GNAS: variants seen among roughly 807,000 people sequenced by gnomAD.
GNAS encodes protein ALEX.
A neutral mutation model predicts 54.5 loss-of-function variants in GNAS; 8 were observed. That is an observed-to-expected ratio of 0.15 (90% CI 0.09 to 0.26). The LOEUF is 0.26. Among genes scored for constraint, GNAS ranks in the 10% least tolerant of loss-of-function variants. GNAS has a pLI of 1.00. For synonymous variants in GNAS, 204 were observed against 191.4 expected, an observed-to-expected ratio of 1.07 and a Z score of -0.54; for missense variants, 170 against 529.8, an observed-to-expected ratio of 0.32 and a Z score of 6.67.
rs2146298908 is a variant in GNAS, at chr20:58,910,323, T to C, written c.971-11T>C. On this transcript the variant is annotated splice_polypyrimidine_tract_variant and intron_variant, in intron 11 of 12. Coordinates refer to ENST00000371085, the MANE Select transcript of GNAS (RefSeq NM_000516.7). The surrounding 1 kb of genome is among the most constrained non-coding windows in gnomAD (Gnocchi z 5.8). Reference sequence around the variant, plus strand: ...TTAAATTACATTAATATGTATTCCCTTTTTATATAGCTACTCCCGAGCCCG... The same window carrying C: ...TTAAATTACATTAATATGTATTCCCCTTTTATATAGCTACTCCCGAGCCCG... 2 of 1,594,298 alleles carry C rather than the reference T, an allele frequency of 1.3e-6. No individual in the cohort carries two copies. Among genetic ancestry groups the C allele is most frequent in the South Asian group, 1.1e-5 (1 of 90,646 alleles).
chr20:58,840,199 G>T, upstream of GNAS: 1 of 1,611,154 alleles, frequency 6.2e-7, no homozygotes. This position sits in a 1 kb window ranked among gnomAD's most constrained non-coding sequence, Gnocchi z 6.0. Flanking sequence ...CAGCCACCGC[G>T]CTCCTCTGGC....
At chr20:58,889,137 C>A, upstream of GNAS, 1 of 1,200,272 alleles carries the variant, frequency 8.3e-7, no homozygotes, top group Non-Finnish European at 1.1e-6. Context: ...GCTGGGGCGT[C>A]ATCGGGGCCG....
chr20:58,840,337 T>C (rs1181151945), upstream of GNAS: 2 of 1,612,950 alleles, frequency 1.2e-6, no homozygotes, highest in Admixed American at 1.7e-5. This position sits in a 1 kb window ranked among gnomAD's most constrained non-coding sequence, Gnocchi z 6.0. Context: ...AGGTATTCCC[T>C]GAGTCCCCCG....
chr20:58,899,046 T>C, intron 3 of GNAS, 61 bp downstream of exon 3: 1 of 1,265,546 alleles, frequency 7.9e-7, no homozygotes, highest in South Asian at 1.2e-5. Flanking sequence ...AAGATCATAC[T>C]GGGAAACTGA....
At position 58,853,886 on chromosome 20, in the gene GNAS, T is replaced by A. The variant is rs773155036; in HGVS notation, c.43+13000T>A. 6.3e-7 allele frequency: 1 copy of A among 1,599,104 alleles called. No homozygotes were observed. Among genetic ancestry groups the A allele is most frequent in the Non-Finnish European group, 8.5e-7 (1 of 1,173,338 alleles). ...CCGAGGAGCCCCAAGCCCTCAGGCC[T>A]GCAAAGGCTGGCTCCAGAGGAGGCT... On this transcript the variant is annotated intron_variant, in intron 1 of 12. Coordinates refer to the GNAS transcript ENST00000306090. The surrounding 1 kb of genome is among the most constrained non-coding windows in gnomAD (Gnocchi z 4.4).
chr20:58,854,564 A>G lies in GNAS; in HGVS notation c.43+13678A>G, dbSNP rs746162389. 6.8e-5 allele frequency: 104 copies of G among 1,539,886 alleles called. 1 individual carries two copies. In the South Asian group the frequency reaches 8.4e-4, roughly 12 times the overall value. On this transcript the variant is annotated intron_variant, in intron 1 of 12. Coordinates refer to the GNAS transcript ENST00000306090. ...TCGCAGCCGATCCCGACTCCGGGGCAGCCCCTGCCGCCCCAGCCGATCCCG... is the reference window on the plus strand; with the variant it reads ...TCGCAGCCGATCCCGACTCCGGGGCGGCCCCTGCCGCCCCAGCCGATCCCG...
At position 58,854,984 on chromosome 20, in the gene GNAS, C is replaced by T. The variant is rs753322339; in HGVS notation, c.43+14098C>T. On this transcript the variant is annotated intron_variant, in intron 1 of 12. Transcript: ENST00000306090. ...ACGATGAAGGGGTGGCCAGCAGCGA[C>T]GATGACTCCAGCGGAGACGAGTCCG... The T allele has an allele frequency of 3.1e-5, 50 of 1,612,252 alleles. No individual in the cohort carries two copies. Among genetic ancestry groups the T allele is most frequent in the Non-Finnish European group, 3.9e-5 (46 of 1,179,738 alleles).
chr20:58,900,258 T>C, intron 3 of GNAS: 1 of 484,602 alleles, frequency 2.1e-6, no homozygotes, highest in South Asian at 2.5e-5. Flanking sequence ...ATATGACAAG[T>C]CCTTAGTGAG....
At chr20:58,896,162 C>T (rs1278215397) in intron 2 of GNAS, among the ~76,000 whole-genome samples, 1 of 152,124 alleles carries the variant, frequency 6.6e-6, no homozygotes, top group East Asian at 1.9e-4. Context: ...ATTAGGGAAA[C>T]ATTGTTTCCA....
intron 1 of GNAS, chr20:58,864,222 T>C (rs574885583): frequency 6.6e-6 from 1 of 152,320 alleles, no homozygotes; most frequent in South Asian, 2.1e-4. Flanking sequence ...TTTAAATAGA[T>C]ACCTTTTTTA....
rs1424897616 is a variant in GNAS, at chr20:58,911,100, CAAAT to C, written c.*275_*278del. On this transcript the variant is annotated 3_prime_UTR_variant, in exon 13 of 13. Transcript: ENST00000371085. ...AAATAAATAAAACAGCAGCAGCAAA[CAAAT>C]AAAATGAAATAAAAGAAACAAATGA... 2 of 601,930 alleles carry C rather than the reference CAAAT, an allele frequency of 3.3e-6. No individual in the cohort carries two copies. Among genetic ancestry groups the C allele is most frequent in the Non-Finnish European group, 6.1e-6 (2 of 328,462 alleles). 37.3% of individuals were successfully genotyped at this position (601,930 alleles called of 1,614,324 possible).
intron 1 of GNAS, among the ~76,000 whole-genome samples, chr20:58,894,441 G>A (rs2089845122): frequency 6.6e-6 from 1 of 152,140 alleles, no homozygotes; most frequent in Non-Finnish European, 1.5e-5. Context: ...ACGGGCTTGT[G>A]AAAAGGCAAG....
chr20:58,889,326 C>G, upstream of GNAS: 8 of 989,430 alleles, frequency 8.1e-6, no homozygotes, highest in Non-Finnish European at 9.6e-6. Context: ...CAGGCGCTGC[C>G]TTGCGTGTGA....
chr20:58,909,638 A>G lies in GNAS; in HGVS notation c.719-46A>G, dbSNP rs1435011443. 1.2e-6 allele frequency: 2 copies of G among 1,614,034 alleles called. No homozygotes were observed. Among genetic ancestry groups the G allele is most frequent in the Non-Finnish European group, 8.5e-7 (1 of 1,179,984 alleles). ...ACGCTTTGCTTCTGTGTTGTTAGGG[A>G]TCAGGGTCGCTGCTCACGCTCTTGG... is the stretch of plus-strand genomic sequence containing the variant. On this transcript the variant is annotated intron_variant, in intron 9 of 12. Transcript: ENST00000371085. The surrounding 1 kb of genome is among the most constrained non-coding windows in gnomAD (Gnocchi z 7.3).
chr20:58,855,238 A>G, intron 1 of GNAS: 1 of 1,591,516 alleles, frequency 6.3e-7, no homozygotes, highest in Non-Finnish European at 8.6e-7. Flanking sequence ...AAGCGGGCCC[A>G]GAAGCGCGCA....
chr20:58,844,579 A>T (rs2085869412), intron 1 of GNAS, among the ~76,000 whole-genome samples: 1 of 152,152 alleles, frequency 6.6e-6, no homozygotes, highest in Admixed American at 6.5e-5. Context: ...TTCTTCTAAA[A>T]TGAGATCGCT....
chr20:58,888,986 C>A, upstream of GNAS: 1 of 842,118 alleles, frequency 1.2e-6, no homozygotes, highest in Non-Finnish European at 1.4e-6. Context: ...GCGCCCCCGG[C>A]CCACGCCCGC....
intron 1 of GNAS, chr20:58,892,089 CGCGGGT>C (rs1177920419): frequency 1.0e-6 from 1 of 965,508 alleles, no homozygotes; most frequent in Non-Finnish European, 1.2e-6. Context: ...GCGACGCGGG[CGCGGGT>C]CCCCCTCCCC....
upstream of GNAS, chr20:58,839,891 A>C (rs1469507119): frequency 8.3e-6 from 5 of 600,670 alleles, no homozygotes; most frequent in Non-Finnish European, 1.2e-5. Context: ...TCTTGCTCAG[A>C]GAGGCAAGCA....
Sources: allele counts gnomAD v4.1 joint callset (sites outside exome capture counted in the v4.1 genomes callset), GRCh38; gene constraint gnomAD v4.1.1; non-coding constraint Gnocchi (gnomAD v3.1); transcripts MANE v1.5; gene names NCBI Gene and HGNC (gene_info 2026-07-23, HGNC 2026-07-21).